Variants in PIK3C2G observed in about 807,000 individuals in gnomAD.
PIK3C2G encodes the protein phosphatidylinositol 3-kinase C2 domain-containing subunit gamma.
In PIK3C2G, 168 loss-of-function variants were observed where a neutral mutation model predicts 181.1. The observed-to-expected ratio is 0.93, with a 90% CI of 0.82 to 1.05. The LOEUF is 1.05. PIK3C2G is among the 50% of genes least tolerant of loss of function. The pLI is 0.00. For synonymous variants in PIK3C2G, 573 were observed against 592.2 expected (o/e 0.97, Z 0.47); for missense variants, 1,869 against 1,732.8 (o/e 1.08, Z -1.40).
At chr12:18,549,718 C>T (rs937664270) in intron 26 of PIK3C2G, among the ~76,000 whole-genome samples, 2 of 151,956 alleles carry the variant, frequency 1.3e-5, no homozygotes, top group East Asian at 1.9e-4. Flanking sequence ...TCCTTTTATC[C>T]GGAATACCTC....
chr12:18,344,242 A>G (rs928116244), intron 10 of PIK3C2G, among the ~76,000 whole-genome samples: 3 of 151,958 alleles, frequency 2.0e-5, no homozygotes, highest in Admixed American at 6.6e-5. Flanking sequence ...GCAAATGAAA[A>G]CCTAACCTGC....
intron 29 of PIK3C2G, among the ~76,000 whole-genome samples, chr12:18,581,691 C>T (rs1946508765): frequency 6.6e-6 from 1 of 152,082 alleles, no homozygotes; most frequent in Non-Finnish European, 1.5e-5. Flanking sequence ...CCAGAGACGT[C>T]AAGTAGGAAG....
At chr12:18,543,425 T>C (rs1399353717) in intron 25 of PIK3C2G, among the ~76,000 whole-genome samples, 2 of 152,050 alleles carry the variant, frequency 1.3e-5, no homozygotes, top group African/African-American at 4.8e-5. Context: ...TTTGCTCTCA[T>C]TGCGATTGCT....
At chr12:18,712,252 T>C in the PIK3C2G span, among the ~76,000 whole-genome samples, 2 of 152,124 alleles carry the variant, frequency 1.3e-5, no homozygotes, top group Non-Finnish European at 2.9e-5. Context: ...ACCAGTGTTA[T>C]TTAGAACTCC....
chr12:18,271,409 T>G (rs1018196362), intron 1 of PIK3C2G, among the ~76,000 whole-genome samples: 1 of 152,162 alleles, frequency 6.6e-6, no homozygotes, highest in African/African-American at 2.4e-5. Flanking sequence ...AAAATACTCA[T>G]GTTTTTCCCT....
chr12:18,620,106 A>C (rs901806610), intron 31 of PIK3C2G, among the ~76,000 whole-genome samples: 8 of 152,164 alleles, frequency 5.3e-5, no homozygotes, highest in Non-Finnish European at 1.2e-4. Flanking sequence ...CCAATTGAGA[A>C]GGATATGAGT....
At chr12:18,331,986 C>T (rs968232066) in intron 8 of PIK3C2G, among the ~76,000 whole-genome samples, 2 of 152,056 alleles carry the variant, frequency 1.3e-5, no homozygotes, top group Admixed American at 6.6e-5. Context: ...GGTATAATTA[C>T]ACTTACTAAG....
chr12:18,588,226 A>C (rs564014220), intron 29 of PIK3C2G, among the ~76,000 whole-genome samples: 1 of 152,154 alleles, frequency 6.6e-6, no homozygotes, highest in South Asian at 2.1e-4. Flanking sequence ...AAAATCAATC[A>C]CATCAAAAGG....
intron 13 of PIK3C2G, among the ~76,000 whole-genome samples, chr12:18,373,785 A>T (rs1471211930): frequency 2.0e-5 from 3 of 152,030 alleles, no homozygotes; most frequent in African/African-American, 4.8e-5. Context: ...CCCGGGAGGC[A>T]GAGCTTGCAG....
intron 30 of PIK3C2G, among the ~76,000 whole-genome samples, chr12:18,608,324 T>A (rs868193897): frequency 6.6e-5 from 10 of 151,860 alleles, no homozygotes; most frequent in Non-Finnish European, 1.0e-4. Context: ...CCAACAATGA[T>A]AGACTGGATT....
intron 15 of PIK3C2G, among the ~76,000 whole-genome samples, chr12:18,392,181 G>T (rs1034543443): frequency 6.6e-6 from 1 of 152,086 alleles, no homozygotes; most frequent in Non-Finnish European, 1.5e-5. Flanking sequence ...TTTGGCAGTT[G>T]AGAAGACATA....
intron 29 of PIK3C2G, among the ~76,000 whole-genome samples, chr12:18,586,764 T>G (rs1168885563): frequency 6.6e-6 from 1 of 151,670 alleles, no homozygotes; most frequent in Non-Finnish European, 1.5e-5. Context: ...ACACAACAAA[T>G]AAAGAAAACT....
intron 26 of PIK3C2G, among the ~76,000 whole-genome samples, chr12:18,557,256 G>A (rs1248062262): frequency 6.6e-6 from 1 of 151,898 alleles, no homozygotes; most frequent in Non-Finnish European, 1.5e-5. Flanking sequence ...TTGTTATGAA[G>A]TTATTTTTTC....
the PIK3C2G span, among the ~76,000 whole-genome samples, chr12:18,710,898 G>A: frequency 6.6e-6 from 1 of 152,228 alleles, no homozygotes; most frequent in East Asian, 1.9e-4. Context: ...GTGCTGGAGA[G>A]GATGTGGAGA....
At chr12:18,253,025 A>G (rs978002632) in intron 1 of PIK3C2G, among the ~76,000 whole-genome samples, 1 of 152,160 alleles carries the variant, frequency 6.6e-6, no homozygotes, top group Non-Finnish European at 1.5e-5. Context: ...TATCCTGACA[A>G]GATAAGACAG....
chr12:18,684,317 TA>T, the PIK3C2G span: 1 of 1,544,566 alleles, frequency 6.5e-7, no homozygotes, highest in Non-Finnish European at 8.9e-7. Context: ...GAATAATAGA[TA>T]CCATATCTAG....
chr12:18,589,911 G>A (rs1420900151), intron 29 of PIK3C2G, among the ~76,000 whole-genome samples: 2 of 151,834 alleles, frequency 1.3e-5, no homozygotes, highest in Non-Finnish European at 1.5e-5. Flanking sequence ...TGTCCTCTAG[G>A]TTCCCTATGA....
intron 24 of PIK3C2G, among the ~76,000 whole-genome samples, chr12:18,519,099 C>T (rs10841035): frequency 0.33 from 49,789 of 151,792 alleles, 8,581 homozygotes; most frequent in East Asian, 0.59. Context: ...TCTGAGAGAT[C>T]GTGTTATGAT....
chr12:18,713,096 A>G, the PIK3C2G span: 1 of 1,401,804 alleles, frequency 7.1e-7, no homozygotes, highest in Non-Finnish European at 9.8e-7. Flanking sequence ...TGCATAAATG[A>G]GTCCATAAAA....
Sources: allele counts gnomAD v4.1 joint callset (sites outside exome capture counted in the v4.1 genomes callset), GRCh38; gene constraint gnomAD v4.1.1; transcripts MANE v1.5; gene names NCBI Gene and HGNC (gene_info 2026-07-23, HGNC 2026-07-21).